The following CYTH1 variants were observed in gnomAD, a reference collection of about 807,000 sequenced individuals.
CYTH1 encodes cytohesin-1.
Under a neutral mutation model 61.8 loss-of-function variants are expected in CYTH1, and 18 were observed. The ratio of observed to expected loss-of-function variants is 0.29; its 90% CI spans 0.20 to 0.43. The LOEUF (loss-of-function observed/expected upper bound fraction) is 0.43, where lower values mean the gene tolerates loss of function less well. Ranked by LOEUF, CYTH1 falls within the 20% of genes least tolerant of loss-of-function variation. The pLI is 1.00. For synonymous variants in CYTH1, 174 were observed against 184.3 expected, an observed-to-expected ratio of 0.94 and a Z score of 0.45; for missense variants, 336 against 510.5, an observed-to-expected ratio of 0.66 and a Z score of 3.29.
At position 78,680,362 on chromosome 17, in the gene CYTH1, G is replaced by A. The variant is rs1326449420; in HGVS notation, c.964-18C>T. On this transcript the variant is annotated intron_variant, in intron 12 of 13. Transcript: ENST00000446868. ...AAGCAGTTCTGAGAATCAAAACAGA[G>A]AGGGAGAGAGTGGAGCAAAGGAAGC... 3.1e-6 allele frequency: 5 copies of A among 1,603,944 alleles called. No homozygotes were observed. The highest frequency in any genetic ancestry group is 4.3e-6 in the Non-Finnish European group (5 of 1,173,744).
At chr17:78,724,155 G>A (rs547871813) in intron 1 of CYTH1, 1 of 152,276 alleles carries the variant, frequency 6.6e-6, no homozygotes, top group South Asian at 2.1e-4. Flanking sequence ...CAAGATGGCT[G>A]GTGACAAGAA....
At chr17:78,748,363 T>G (rs1486144120) in intron 1 of CYTH1, among the ~76,000 whole-genome samples, 1 of 152,168 alleles carries the variant, frequency 6.6e-6, no homozygotes, top group African/African-American at 2.4e-5. Context: ...ACAAATAGTT[T>G]CAACACAGTC....
chr17:78,696,240 C>T (rs1258419025), intron 9 of CYTH1, among the ~76,000 whole-genome samples: 1 of 152,228 alleles, frequency 6.6e-6, no homozygotes, highest in Non-Finnish European at 1.5e-5. Context: ...CCACGTTCCA[C>T]CTCATCAAGG....
intron 1 of CYTH1, among the ~76,000 whole-genome samples, chr17:78,711,187 G>A (rs1437745095): frequency 1.3e-5 from 2 of 151,466 alleles, no homozygotes; most frequent in African/African-American, 2.4e-5. Flanking sequence ...GCGTAAACCC[G>A]GGAGGTGGAG....
intron 11 of CYTH1, among the ~76,000 whole-genome samples, chr17:78,683,309 T>C (rs978477377): frequency 6.6e-6 from 1 of 152,118 alleles, no homozygotes; most frequent in Non-Finnish European, 1.5e-5. Context: ...GCTGCTTTGG[T>C]CTCTACCTGC....
intron 1 of CYTH1, among the ~76,000 whole-genome samples, chr17:78,762,554 T>C (rs1238871572): frequency 6.6e-6 from 1 of 152,196 alleles, no homozygotes; most frequent in African/African-American, 2.4e-5. Context: ...CATGTCCTAA[T>C]CACTGGAACC....
Position 78,703,351 on chromosome 17 carries a change from GGAGT to G in CYTH1, c.171-751_171-748del, listed in dbSNP as rs1163370905. On this transcript the variant is annotated intron_variant, in intron 3 of 13. Transcript: ENST00000446868. Reference sequence around the variant, plus strand: ...CACTTGAATTTGGGAGTTGGAGGTTGGAGTGAGTGGAGATCCACCACTGCACTCT... The same window carrying G: ...CACTTGAATTTGGGAGTTGGAGGTTGGAGTGGAGATCCACCACTGCACTCT... Among the ~76,000 whole-genome samples the G allele has an allele frequency of 4.1e-5, 6 of 145,720 alleles. No homozygotes were observed. The East Asian group carries it at 1.2e-3, about 30-fold the overall frequency.
At chr17:78,682,711 G>C (rs922666963) in intron 11 of CYTH1, among the ~76,000 whole-genome samples, 1 of 152,248 alleles carries the variant, frequency 6.6e-6, no homozygotes, top group Non-Finnish European at 1.5e-5. Flanking sequence ...GGGAAGCCCA[G>C]CATTCCTGCC....
At chr17:78,761,725 G>A (rs563889337) in intron 1 of CYTH1, among the ~76,000 whole-genome samples, 10 of 152,010 alleles carry the variant, frequency 6.6e-5, no homozygotes, top group African/African-American at 9.7e-5. Context: ...GGGACAGAGC[G>A]AGACTCCGTC....
chr17:78,776,011 C>T (rs1268205645), intron 1 of CYTH1, among the ~76,000 whole-genome samples: 3 of 151,652 alleles, frequency 2.0e-5, no homozygotes, highest in African/African-American at 2.4e-5. Context: ...AAAAATCAGC[C>T]GGGTGTGGTG....
At chr17:78,760,636 C>G (rs1352156704) in intron 1 of CYTH1, among the ~76,000 whole-genome samples, 2 of 145,786 alleles carry the variant, frequency 1.4e-5, no homozygotes, top group African/African-American at 5.1e-5. Flanking sequence ...ATTCTACTAT[C>G]TTAAAACCCT....
intron 1 of CYTH1, among the ~76,000 whole-genome samples, chr17:78,780,879 C>T (rs1249446298): frequency 6.6e-6 from 1 of 151,952 alleles, no homozygotes; most frequent in Non-Finnish European, 1.5e-5. Flanking sequence ...TGGTGGCACG[C>T]GCCTGTAGTC....
chr17:78,729,540 GGA>G (rs1287218264), intron 1 of CYTH1, among the ~76,000 whole-genome samples: 1 of 152,126 alleles, frequency 6.6e-6, no homozygotes, highest in Non-Finnish European at 1.5e-5. Context: ...CGTGCTGCTG[GGA>G]GAGTGTAAAC....
intron 11 of CYTH1, among the ~76,000 whole-genome samples, chr17:78,690,620 C>A (rs1307958299): frequency 6.6e-6 from 1 of 151,640 alleles, no homozygotes; most frequent in East Asian, 1.9e-4. Context: ...CACTTGAACC[C>A]AGGAGGCAGA....
intron 11 of CYTH1, 43 bp downstream of exon 11, chr17:78,692,374 C>G (rs367619543): frequency 2.4e-5 from 38 of 1,595,408 alleles, no homozygotes; most frequent in Non-Finnish European, 3.0e-5. Flanking sequence ...GAACCGGAGG[C>G]CTTGCCCATC....
intron 1 of CYTH1, among the ~76,000 whole-genome samples, chr17:78,780,824 T>C (rs1034889160): frequency 2.6e-5 from 4 of 152,086 alleles, no homozygotes; most frequent in African/African-American, 4.8e-5. Flanking sequence ...CTGGCCAACA[T>C]GGCAAAACCC....
At chr17:78,679,161 G>C in intron 13 of CYTH1, among the ~76,000 whole-genome samples, 1 of 152,224 alleles carries the variant, frequency 6.6e-6, no homozygotes, top group East Asian at 1.9e-4. Flanking sequence ...CTGTAGCCTG[G>C]GTGGGAGAAA....
intron 1 of CYTH1, among the ~76,000 whole-genome samples, chr17:78,762,904 T>C (rs763444125): frequency 6.6e-6 from 1 of 152,200 alleles, no homozygotes; most frequent in Non-Finnish European, 1.5e-5. Flanking sequence ...GTGAGACCCA[T>C]TCCAGACTTC....
At chr17:78,714,307 T>TA (rs1471013573) in intron 1 of CYTH1, among the ~76,000 whole-genome samples, 3 of 151,088 alleles carry the variant, frequency 2.0e-5, no homozygotes, top group Non-Finnish European at 3.0e-5. Context: ...TTTAAAAATT[T>TA]AAAAAAAATA....
Sources: gnomAD v4.1 joint callset for allele counts (sites outside exome capture counted in the v4.1 genomes callset) on GRCh38, gnomAD v4.1.1 for gene constraint, MANE v1.5 for transcripts, NCBI Gene and HGNC (gene_info 2026-07-23, HGNC 2026-07-21) for gene names.